KCNIP1: variants seen among roughly 807,000 people sequenced by gnomAD.
KCNIP1 encodes A-type potassium channel modulatory protein KCNIP1.
Under a neutral mutation model 33.0 loss-of-function variants are expected in KCNIP1, and 18 were observed. The ratio of observed to expected loss-of-function variants is 0.55; its 90% CI spans 0.38 to 0.81. KCNIP1 has a LOEUF of 0.81. KCNIP1 is among the 30% of genes least tolerant of loss of function. The probability of loss-of-function intolerance (pLI) is 0.00; values close to 1 mark genes in which losing one functional copy is unlikely to be tolerated. For missense variants in KCNIP1, 238 were observed against 271.6 expected (o/e 0.88, Z 0.87); for synonymous variants, 93 against 98.3 (o/e 0.95, Z 0.32).
intron 1 of KCNIP1, among the ~76,000 whole-genome samples, chr5:170,512,476 C>T (rs1367313907): frequency 6.6e-6 from 1 of 152,220 alleles, no homozygotes; most frequent in East Asian, 1.9e-4. Context: ...GTTAGGCAGA[C>T]CTAGAATTCA....
chr5:170,574,797 A>T (rs1313204254), intron 1 of KCNIP1, among the ~76,000 whole-genome samples: 3 of 152,126 alleles, frequency 2.0e-5, no homozygotes, highest in Non-Finnish European at 4.4e-5. Context: ...TCACACTGGG[A>T]CCACACCAGT....
chr5:170,671,183 T>C (rs767067818), intron 1 of KCNIP1, among the ~76,000 whole-genome samples: 12 of 152,216 alleles, frequency 7.9e-5, no homozygotes, highest in South Asian at 2.1e-4. Context: ...TTAAAACCCA[T>C]TGTGGCCAGG....
intron 1 of KCNIP1, among the ~76,000 whole-genome samples, chr5:170,468,382 T>G (rs375849833): frequency 1.6e-4 from 25 of 152,326 alleles, no homozygotes; most frequent in African/African-American, 5.3e-4. Flanking sequence ...TAAATGTGAT[T>G]GTTAAAATTT....
intron 1 of KCNIP1, among the ~76,000 whole-genome samples, chr5:170,534,267 G>T (rs1164141976): frequency 6.6e-6 from 1 of 152,142 alleles, no homozygotes; most frequent in African/African-American, 2.4e-5. Context: ...GCAGCTTCTA[G>T]TTTCAACTTA....
At position 170,709,478 on chromosome 5, in the gene KCNIP1, G is replaced by A. The variant is rs537248813; in HGVS notation, c.62-9280G>A. On this transcript the variant is annotated intron_variant, in intron 1 of 7. Transcript: ENST00000328939. ...GCTGTGCCAGTGTTTCTTGATTTGT[G>A]TTTGCATGGTATATCCTTTTCCATC... Among the ~76,000 whole-genome samples the A allele has an allele frequency of 5.3e-5, 8 of 152,240 alleles. No individual in the cohort carries two copies. In the East Asian group the frequency reaches 1.4e-3, roughly 26 times the overall value.
At chr5:170,720,025 G>C (rs1267464579) in intron 2 of KCNIP1, among the ~76,000 whole-genome samples, 1 of 152,222 alleles carries the variant, frequency 6.6e-6, no homozygotes, top group African/African-American at 2.4e-5. Context: ...TTGAGGATCA[G>C]AGACTGGCTT....
intron 1 of KCNIP1, among the ~76,000 whole-genome samples, chr5:170,585,688 G>A (rs77349239): frequency 0.086 from 13,132 of 152,216 alleles, 634 homozygotes; most frequent in South Asian, 0.12. Flanking sequence ...GCTGATAATG[G>A]CATCGTGAAT....
chr5:170,368,391 A>G, intron 1 of KCNIP1, among the ~76,000 whole-genome samples: 1 of 152,118 alleles, frequency 6.6e-6, no homozygotes, highest in Non-Finnish European at 1.5e-5. Flanking sequence ...CAGCCTCCCA[A>G]GAAGCTGGGA....
intron 1 of KCNIP1, among the ~76,000 whole-genome samples, chr5:170,638,022 G>A (rs1163340040): frequency 1.4e-5 from 2 of 140,194 alleles, no homozygotes; most frequent in East Asian, 5.1e-4. Context: ...TGCCCAAAAA[G>A]GGGTGTGTCT....
intron 1 of KCNIP1, among the ~76,000 whole-genome samples, chr5:170,706,775 C>T (rs936379614): frequency 6.6e-6 from 1 of 152,204 alleles, no homozygotes; most frequent in African/African-American, 2.4e-5. Context: ...ACTAAAAGTG[C>T]CCTTTCTCCC....
chr5:170,500,054 G>A (rs1561653239), upstream of KCNIP1, among the ~76,000 whole-genome samples: 1 of 152,142 alleles, frequency 6.6e-6, no homozygotes, highest in Non-Finnish European at 1.5e-5. Flanking sequence ...CTGAAAACTG[G>A]AAGTCCAAGA....
chr5:170,494,113 C>T (rs1390105334), intron 1 of KCNIP1, among the ~76,000 whole-genome samples: 1 of 152,198 alleles, frequency 6.6e-6, no homozygotes, highest in East Asian at 1.9e-4. Context: ...TCCTCAGTCT[C>T]CTCACTCAGT....
At chr5:170,456,065 C>A (rs1040616431) in intron 1 of KCNIP1, among the ~76,000 whole-genome samples, 3 of 152,150 alleles carry the variant, frequency 2.0e-5, no homozygotes, top group African/African-American at 7.2e-5. Flanking sequence ...AACCCAAATG[C>A]CCATCAATGA....
chr5:170,521,073 A>T (rs1755346947), intron 1 of KCNIP1, among the ~76,000 whole-genome samples: 1 of 152,230 alleles, frequency 6.6e-6, no homozygotes. Flanking sequence ...GTGTGAGCCC[A>T]TGGGTCTCAG....
intron 1 of KCNIP1, among the ~76,000 whole-genome samples, chr5:170,615,133 TGAACCCGGG>T (rs1242015613): frequency 6.6e-6 from 1 of 152,196 alleles, no homozygotes; most frequent in African/African-American, 2.4e-5. Flanking sequence ...GAGAATCACT[TGAACCCGGG>T]AGGTGGAGTT....
In KCNIP1 at chr5:170,736,039, G is replaced by C. The variant is rs1312830964; in HGVS notation, c.*233G>C. ...TCTTGAGAGAGACAAGATGAAATTT[G>C]AGTTTGTTTTGGAAGCATGCTCATC... On this transcript the variant is annotated 3_prime_UTR_variant, in exon 8 of 8. Coordinates refer to ENST00000328939, the MANE Select transcript of KCNIP1 (RefSeq NM_014592.4). 8 of 550,804 alleles carry C rather than the reference G, an allele frequency of 1.5e-5. No individual in the cohort carries two copies. The highest frequency in any genetic ancestry group is 9.2e-5 in the Admixed American group (3 of 32,474). The allele number at this position is 550,804 out of a possible 1,614,324, so 34.1% of individuals were successfully genotyped here. A position where few individuals can be genotyped will look rare whatever the true frequency, so the allele number is the denominator to read the frequency against.
chr5:170,546,617 C>T (rs1756417469), intron 1 of KCNIP1, among the ~76,000 whole-genome samples: 1 of 152,230 alleles, frequency 6.6e-6, no homozygotes, highest in Admixed American at 6.5e-5. Flanking sequence ...TACAGAGGAC[C>T]CACTTTGTCC....
At chr5:170,363,878 C>A (rs1471867077) in intron 1 of KCNIP1, among the ~76,000 whole-genome samples, 2 of 151,968 alleles carry the variant, frequency 1.3e-5, no homozygotes, top group African/African-American at 4.8e-5. Flanking sequence ...TTTCTGTCTA[C>A]CCTCAGGCTC....
At chr5:170,561,835 G>A (rs1458957242) in intron 1 of KCNIP1, among the ~76,000 whole-genome samples, 1 of 152,216 alleles carries the variant, frequency 6.6e-6, no homozygotes, top group Non-Finnish European at 1.5e-5. Flanking sequence ...CCCACAGAGT[G>A]TACAGATGCT....
Sources: gnomAD v4.1 joint callset for allele counts (sites outside exome capture counted in the v4.1 genomes callset) on GRCh38, gnomAD v4.1.1 for gene constraint, MANE v1.5 for transcripts, NCBI Gene and HGNC (gene_info 2026-07-23, HGNC 2026-07-21) for gene names.